HTR2C: variants seen among roughly 807,000 people sequenced by gnomAD.
HTR2C encodes the protein 5-hydroxytryptamine (serotonin) receptor 2C, G protein-coupled.
Under a neutral mutation model 21.0 loss-of-function variants are expected in HTR2C, and 5 were observed. That is an observed-to-expected ratio of 0.24 (90% CI 0.12 to 0.50). HTR2C has a LOEUF of 0.50. Ranked by LOEUF, HTR2C falls within the 20% of genes least tolerant of loss-of-function variation. The pLI is 0.98. For missense variants in HTR2C, 271 were observed against 371.2 expected, an observed-to-expected ratio of 0.73 and a Z score of 2.22; for synonymous variants, 150 against 145.3, an observed-to-expected ratio of 1.03 and a Z score of -0.23.
intron 2 of HTR2C, among the ~76,000 whole-genome samples, chrX:114,723,572 TG>T (rs1933314394): frequency 9.2e-6 from 1 of 108,473 alleles, no homozygotes; most frequent in Admixed American, 9.9e-5. Flanking sequence ...TGAATGTGTT[TG>T]CTCTTGCTTT....
rs782675425 is a variant in HTR2C, at chrX:114,861,673, A to G, written c.550+13470A>G. On this transcript the variant is annotated intron_variant, in intron 5 of 5. Coordinates refer to ENST00000276198, the MANE Select transcript of HTR2C (RefSeq NM_000868.4). ...AACACAGGTTATATTTTGATTTTTT[A>G]TAATAGCTATCCTAACTGGTATCTC... is the stretch of plus-strand genomic sequence containing the variant. Among the ~76,000 whole-genome samples the G allele has an allele frequency of 9.9e-5, 11 of 111,117 alleles. No homozygotes were observed. In the Admixed American group the frequency reaches 1.1e-3, roughly 11 times the overall value.
At chrX:114,757,824 C>A (rs782450476) in intron 4 of HTR2C, among the ~76,000 whole-genome samples, 1 of 112,024 alleles carries the variant, frequency 8.9e-6, no homozygotes, top group East Asian at 2.8e-4. Context: ...CTAAATATTT[C>A]TATTAATGCA....
At chrX:114,629,810 C>T (rs1929531705) in intron 2 of HTR2C, among the ~76,000 whole-genome samples, 1 of 110,932 alleles carries the variant, frequency 9.0e-6, no homozygotes, top group African/African-American at 3.3e-5. Context: ...GGCTGAGCAC[C>T]TAAGCAGCAT....
chrX:114,806,585 T>C lies in HTR2C; in HGVS notation c.350-41418T>C, dbSNP rs935775741. Reference sequence around the variant, plus strand: ...CCATATACATCATATATATCATATATATCATATATATCATATATACACCAT... The same window carrying C: ...CCATATACATCATATATATCATATACATCATATATATCATATATACACCAT... On this transcript the variant is annotated intron_variant, in intron 4 of 5. Transcript: ENST00000276198. Among the ~76,000 whole-genome samples the C allele has an allele frequency of 7.2e-4, 68 of 94,757 alleles. 2 individuals carry two copies. The highest frequency in any genetic ancestry group is 1.1e-3 in the Non-Finnish European group (54 of 48,519). The allele number at this position is 94,757 out of a possible 115,157, so 82.3% of individuals were successfully genotyped here.
chrX:114,806,752 ACCATATATATAC>A (rs1569495963), intron 4 of HTR2C, among the ~76,000 whole-genome samples: 137 of 87,480 alleles, frequency 1.6e-3, no homozygotes, highest in African/African-American at 6.5e-3. Flanking sequence ...ATATATATAC[ACCATATATATAC>A]ACACCATATA....
At chrX:114,784,573 T>C (rs1042722693) in intron 4 of HTR2C, among the ~76,000 whole-genome samples, 3 of 108,671 alleles carry the variant, frequency 2.8e-5, no homozygotes, top group African/African-American at 1.0e-4. Flanking sequence ...ATTACTTCAG[T>C]CTCTGCCTCC....
chrX:114,611,128 C>T (rs184798142), intron 1 of HTR2C, among the ~76,000 whole-genome samples: 125 of 111,591 alleles, frequency 1.1e-3, no homozygotes, highest in Non-Finnish European at 1.9e-3. Context: ...GGAAAAAAAA[C>T]GCAAAAATAA....
chrX:114,865,499 A>G (rs2071038540), intron 5 of HTR2C, among the ~76,000 whole-genome samples: 1 of 111,789 alleles, frequency 8.9e-6, no homozygotes, highest in South Asian at 3.7e-4. Context: ...TCCCACTAGC[A>G]GTATGTAAGA....
intron 5 of HTR2C, among the ~76,000 whole-genome samples, chrX:114,899,374 G>A (rs782166407): frequency 4.5e-5 from 5 of 110,959 alleles, no homozygotes; most frequent in Admixed American, 9.6e-5. Context: ...CGGACCTCCC[G>A]CCTTGCCTGA....
chrX:114,746,200 A>G (rs782467947), intron 4 of HTR2C, among the ~76,000 whole-genome samples: 3 of 111,649 alleles, frequency 2.7e-5, no homozygotes, highest in South Asian at 7.6e-4. Context: ...TTTCGGGAAG[A>G]AAAAAATAAG....
At chrX:114,691,001 AT>A (rs1256157888) in intron 2 of HTR2C, among the ~76,000 whole-genome samples, 5 of 110,935 alleles carry the variant, frequency 4.5e-5, no homozygotes, top group Admixed American at 9.7e-5. Flanking sequence ...GATTATAATA[AT>A]TATCTTAATT....
chrX:114,747,545 A>G (rs1427320421), intron 4 of HTR2C, among the ~76,000 whole-genome samples: 3 of 112,544 alleles, frequency 2.7e-5, no homozygotes, highest in African/African-American at 6.5e-5. Flanking sequence ...ATGGCCCCCA[A>G]TAGTCCCTGC....
At chrX:114,837,967 A>G (rs1479998559) in intron 4 of HTR2C, among the ~76,000 whole-genome samples, 1 of 111,545 alleles carries the variant, frequency 9.0e-6, no homozygotes, top group Admixed American at 9.6e-5. Context: ...TAAAATTTTA[A>G]TTAGGAATGG....
At chrX:114,760,542 A>T (rs782673633) in intron 4 of HTR2C, among the ~76,000 whole-genome samples, 18 of 111,291 alleles carry the variant, frequency 1.6e-4, no homozygotes, top group Non-Finnish European at 2.8e-4. Flanking sequence ...TTTGAGACAG[A>T]TTCTTACTCT....
intron 4 of HTR2C, among the ~76,000 whole-genome samples, chrX:114,771,599 T>C (rs1168102976): frequency 8.9e-6 from 1 of 111,971 alleles, no homozygotes; most frequent in African/African-American, 3.3e-5. Flanking sequence ...TTCTTGGGCA[T>C]GTGTACAGAC....
At chrX:114,838,382 T>C (rs1453332725) in intron 4 of HTR2C, among the ~76,000 whole-genome samples, 1 of 112,185 alleles carries the variant, frequency 8.9e-6, no homozygotes, top group Non-Finnish European at 1.9e-5. Flanking sequence ...ACTTCACAGT[T>C]GTCCCCACAT....
chrX:114,649,116 A>G (rs1164268037), intron 2 of HTR2C, among the ~76,000 whole-genome samples: 1 of 111,697 alleles, frequency 9.0e-6, no homozygotes, highest in African/African-American at 3.3e-5. Context: ...GCCCCCAATT[A>G]TTTCATGTTT....
intron 2 of HTR2C, among the ~76,000 whole-genome samples, chrX:114,724,608 T>C (rs1230059764): frequency 1.9e-4 from 18 of 92,597 alleles, no homozygotes; most frequent in African/African-American, 6.7e-4. Flanking sequence ...TTCTTCCTAG[T>C]CTTGATGGTC....
At chrX:114,589,764 G>A in intron 1 of HTR2C, 1 of 286,912 alleles carries the variant, frequency 3.5e-6, no homozygotes, top group South Asian at 4.0e-5. Flanking sequence ...GAATATGGTG[G>A]GCAGACTAAG....
Sources: allele counts gnomAD v4.1 joint callset (sites outside exome capture counted in the v4.1 genomes callset), GRCh38; gene constraint gnomAD v4.1.1; transcripts MANE v1.5; gene names NCBI Gene and HGNC (gene_info 2026-07-23, HGNC 2026-07-21).